Variants in IP6K1 observed in about 807,000 individuals in gnomAD.
IP6K1 encodes inositol hexakisphosphate kinase 1.
IP6K1 carries 13 observed loss-of-function variants against 38.3 expected under a neutral mutation model. The ratio of observed to expected loss-of-function variants is 0.34; its 90% CI spans 0.22 to 0.54. The LOEUF (loss-of-function observed/expected upper bound fraction) is 0.54, where lower values mean the gene tolerates loss of function less well. Ranked by LOEUF, IP6K1 falls within the 20% of genes least tolerant of loss-of-function variation. The pLI is 0.92. For synonymous variants in IP6K1, 212 were observed against 229.9 expected, an observed-to-expected ratio of 0.92 and a Z score of 0.70; for missense variants, 397 against 599.8, an observed-to-expected ratio of 0.66 and a Z score of 3.53.
chr3:49,776,786 C>T (rs369984506), intron 1 of IP6K1, among the ~76,000 whole-genome samples: 1 of 152,016 alleles, frequency 6.6e-6, no homozygotes, highest in African/African-American at 2.4e-5. Flanking sequence ...TAATGAGGAT[C>T]GACTGTATAT....
intron 1 of IP6K1, chr3:49,785,412 AGGATAATCGCTTGAACCC>A (rs1019452689): frequency 5.9e-5 from 9 of 152,238 alleles, no homozygotes; most frequent in African/African-American, 2.2e-4. Flanking sequence ...AGGCTGAGGC[AGGATAATCGCTTGAACCC>A]GGGAGGTGGA....
chr3:49,763,127 G>A (rs1211274381), intron 1 of IP6K1, among the ~76,000 whole-genome samples: 2 of 128,248 alleles, frequency 1.6e-5, no homozygotes, highest in South Asian at 2.4e-4. Flanking sequence ...TTTTTGAGAC[G>A]GAGTCTCGCT....
At chr3:49,766,165 G>A (rs1455028205) in intron 1 of IP6K1, among the ~76,000 whole-genome samples, 1 of 151,898 alleles carries the variant, frequency 6.6e-6, no homozygotes, top group Non-Finnish European at 1.5e-5. Flanking sequence ...TTCAGAGCAA[G>A]ACTCCATCTC....
chr3:49,780,939 T>G (rs539495663), intron 1 of IP6K1, among the ~76,000 whole-genome samples: 1 of 152,026 alleles, frequency 6.6e-6, no homozygotes, highest in Non-Finnish European at 1.5e-5. Flanking sequence ...CTCAGACAAA[T>G]CTAGTACATC....
At chr3:49,777,168 G>A (rs866133267) in intron 1 of IP6K1, among the ~76,000 whole-genome samples, 6 of 151,908 alleles carry the variant, frequency 3.9e-5, no homozygotes, top group African/African-American at 9.7e-5. Context: ...CCTAGGAGGC[G>A]GAGGTTGCAG....
At chr3:49,740,226 T>C (rs1003923841) in intron 2 of IP6K1, among the ~76,000 whole-genome samples, 5 of 124,888 alleles carry the variant, frequency 4.0e-5, no homozygotes, top group Non-Finnish European at 8.1e-5. Flanking sequence ...AAATTTGCAA[T>C]TCTTTTTTTT....
At position 49,725,583 on chromosome 3, in the gene IP6K1, C is replaced by T. The variant is rs922968160; in HGVS notation, c.*1539G>A. On this transcript the variant is annotated 3_prime_UTR_variant, in exon 6 of 6. Transcript: ENST00000321599. Reference sequence around the variant, plus strand: ...CAGCTGGCAGGCTTACCTTTAAAGCCAAACAGGCACTTGCCTAAAGTGACA... The same window carrying T: ...CAGCTGGCAGGCTTACCTTTAAAGCTAAACAGGCACTTGCCTAAAGTGACA... The T allele has an allele frequency of 1.3e-5, 2 of 152,710 alleles. No homozygotes were observed. The highest frequency in any genetic ancestry group is 2.9e-5 in the Non-Finnish European group (2 of 68,068). The allele number at this position is 152,710 out of a possible 1,614,324, so 9.5% of individuals were successfully genotyped here.
At chr3:49,735,664 A>G (rs1193445551) in intron 3 of IP6K1, among the ~76,000 whole-genome samples, 1 of 152,198 alleles carries the variant, frequency 6.6e-6, no homozygotes, top group African/African-American at 2.4e-5. Flanking sequence ...CTGCTGACTG[A>G]GGACATGGGA....
At chr3:49,775,237 C>T (rs999471543) in intron 1 of IP6K1, 12 of 167,506 alleles carry the variant, frequency 7.2e-5, no homozygotes, top group African/African-American at 2.9e-4. Flanking sequence ...TAAGCAGTCT[C>T]GAAAAAATAA....
rs552599767 is a variant in IP6K1, at chr3:49,727,010, A to C, written c.*112T>G. On this transcript the variant is annotated 3_prime_UTR_variant, in exon 6 of 6. Coordinates refer to ENST00000321599, the MANE Select transcript of IP6K1 (RefSeq NM_153273.4). This position sits in a 1 kb window ranked among gnomAD's most constrained non-coding sequence, Gnocchi z 5.9. Reference sequence around the variant, plus strand: ...AAAAACATTTCTTTTAGTTTACACCAAAGAGAAATATAACCCTTTAAAAGC... The same window carrying C: ...AAAAACATTTCTTTTAGTTTACACCCAAGAGAAATATAACCCTTTAAAAGC... The C allele has an allele frequency of 1.8e-6, 2 of 1,103,046 alleles. 1 individual carries two copies. Among genetic ancestry groups the C allele is most frequent in the East Asian group, 4.8e-5 (2 of 41,872 alleles). 68.3% of individuals were successfully genotyped at this position (1,103,046 alleles called of 1,614,324 possible).
intron 1 of IP6K1, among the ~76,000 whole-genome samples, chr3:49,779,306 C>A (rs371475808): frequency 2.0e-5 from 3 of 152,226 alleles, no homozygotes; most frequent in African/African-American, 7.2e-5. Flanking sequence ...TATCACACTT[C>A]GTTCCTTTTT....
chr3:49,741,696 G>C (rs1054601852), intron 2 of IP6K1, among the ~76,000 whole-genome samples: 3 of 152,136 alleles, frequency 2.0e-5, no homozygotes, highest in Non-Finnish European at 4.4e-5. Context: ...TCAAAACACT[G>C]AAGGCCAAAC....
chr3:49,764,475 T>G (rs750518856), intron 1 of IP6K1, among the ~76,000 whole-genome samples: 2 of 152,324 alleles, frequency 1.3e-5, no homozygotes, highest in African/African-American at 2.4e-5. Flanking sequence ...AGTAGGCTAC[T>G]AATAATTAAG....
intron 1 of IP6K1, among the ~76,000 whole-genome samples, chr3:49,768,084 T>C (rs1042135909): frequency 6.6e-6 from 1 of 150,422 alleles, no homozygotes; most frequent in Non-Finnish European, 1.5e-5. Flanking sequence ...TATGAAGAAA[T>C]TGTAACACTT....
In IP6K1 at chr3:49,761,538, C is replaced by T. The variant is rs1300986868; in HGVS notation, c.-128-13370G>A. The stretch of plus-strand genomic sequence containing the variant: ...CTGAGGCAGGAGAATGGCGTGAACC[C>T]GGGAGGCGGAGCTTGCAGTGAGCCA... On this transcript the variant is annotated intron_variant, in intron 1 of 5. Transcript: ENST00000321599. Among the ~76,000 whole-genome samples the T allele has an allele frequency of 1.0e-4, 15 of 150,456 alleles. No homozygotes were observed. In the Admixed American group the frequency reaches 1.0e-3, roughly 10 times the overall value.
chr3:49,763,957 G>A (rs766248216), intron 1 of IP6K1, among the ~76,000 whole-genome samples: 2 of 152,082 alleles, frequency 1.3e-5, no homozygotes, highest in African/African-American at 4.8e-5. Context: ...GGGAGGCAAA[G>A]GTTGCAGTGA....
intron 4 of IP6K1, among the ~76,000 whole-genome samples, chr3:49,732,126 CACT>C (rs1295262329): frequency 6.6e-6 from 1 of 151,988 alleles, no homozygotes; most frequent in African/African-American, 2.4e-5. Context: ...GATGAAGTCT[CACT>C]ATGTTGCTCA....
intron 1 of IP6K1, among the ~76,000 whole-genome samples, chr3:49,767,317 G>A (rs563081867): frequency 2.4e-4 from 37 of 151,978 alleles, no homozygotes; most frequent in African/African-American, 8.4e-4. Context: ...GGTGGCTCAC[G>A]CCTGTAATCC....
intron 1 of IP6K1, among the ~76,000 whole-genome samples, chr3:49,749,828 T>C (rs2080756390): frequency 8.3e-6 from 1 of 121,170 alleles, no homozygotes; most frequent in South Asian, 3.2e-4. Flanking sequence ...GCACATACAC[T>C]TCTTTTTTTT....
Sources: allele counts gnomAD v4.1 joint callset (sites outside exome capture counted in the v4.1 genomes callset), GRCh38; gene constraint gnomAD v4.1.1; non-coding constraint Gnocchi (gnomAD v3.1); transcripts MANE v1.5; gene names NCBI Gene and HGNC (gene_info 2026-07-23, HGNC 2026-07-21).